Variants in WIPF3 observed in about 807,000 individuals in gnomAD.
WIPF3 encodes the protein WAS/WASL-interacting protein family member 3.
WIPF3 carries 33 observed loss-of-function variants against 38.9 expected under a neutral mutation model. That is an observed-to-expected ratio of 0.85 (90% confidence interval 0.64 to 1.14). The LOEUF (loss-of-function observed/expected upper bound fraction) is 1.14, where lower values mean the gene tolerates loss of function less well. Ranked by LOEUF, WIPF3 falls within the 50% of genes most tolerant of loss-of-function variation. The pLI, the probability that WIPF3 is intolerant of heterozygous loss-of-function variation, is 0.00. For missense variants in WIPF3, 711 were observed against 652.5 expected, an observed-to-expected ratio of 1.09 and a Z score of -0.98; for synonymous variants, 324 against 269.3, an observed-to-expected ratio of 1.20 and a Z score of -1.99.
At chr7:29,817,275 C>T (rs1355375615) in intron 1 of WIPF3, among the ~76,000 whole-genome samples, 1 of 151,982 alleles carries the variant, frequency 6.6e-6, no homozygotes, top group Non-Finnish European at 1.5e-5. Context: ...TGTAATTTCC[C>T]CCAGTTTATA....
chr7:29,824,616 G>A (rs1310408271), intron 1 of WIPF3, among the ~76,000 whole-genome samples: 1 of 152,122 alleles, frequency 6.6e-6, no homozygotes, highest in Admixed American at 6.5e-5. Context: ...GTAAAACGGA[G>A]GAGGCCCAGA....
chr7:29,845,292 G>A (rs1285446242), intron 2 of WIPF3, among the ~76,000 whole-genome samples: 1 of 152,132 alleles, frequency 6.6e-6, no homozygotes, highest in Non-Finnish European at 1.5e-5. Context: ...CTAGCAGTGC[G>A]GGGCACATAG....
intron 1 of WIPF3, among the ~76,000 whole-genome samples, chr7:29,831,106 A>T (rs1389024887): frequency 6.6e-6 from 1 of 152,180 alleles, no homozygotes; most frequent in Non-Finnish European, 1.5e-5. Flanking sequence ...CTCCTCTCTC[A>T]GTCTGTGTAA....
intron 5 of WIPF3, 131 bp from the exon 6 acceptor site, chr7:29,887,937 T>C: frequency 8.8e-7 from 1 of 1,130,220 alleles, no homozygotes; most frequent in Non-Finnish European, 1.2e-6. Flanking sequence ...GCAGGTTGAC[T>C]CCAGAGGTTG....
intron 2 of WIPF3, among the ~76,000 whole-genome samples, chr7:29,854,617 C>A (rs182570136): frequency 6.6e-6 from 1 of 152,218 alleles, no homozygotes; most frequent in East Asian, 1.9e-4. Context: ...TGGGCCAGGT[C>A]GCTTGTTCAC....
intron 2 of WIPF3, among the ~76,000 whole-genome samples, chr7:29,850,364 C>T (rs920810768): frequency 2.0e-5 from 3 of 151,898 alleles, no homozygotes; most frequent in Admixed American, 6.5e-5. Context: ...GAAGGAAAAA[C>T]GGAAGAGAAA....
chr7:29,831,299 A>G (rs1166327743), intron 1 of WIPF3, among the ~76,000 whole-genome samples: 1 of 152,230 alleles, frequency 6.6e-6, no homozygotes, highest in African/African-American at 2.4e-5. Flanking sequence ...GCCGTTGGCC[A>G]TGGGTTGTCT....
At chr7:29,881,975 C>T (rs752781388) in intron 4 of WIPF3, among the ~76,000 whole-genome samples, 4 of 152,200 alleles carry the variant, frequency 2.6e-5, no homozygotes, top group Non-Finnish European at 4.4e-5. Context: ...CTCTGTCGGC[C>T]CAGGCCTGCC....
At chr7:29,903,135 A>G (rs371717137) in intron 7 of WIPF3, among the ~76,000 whole-genome samples, 52 of 152,070 alleles carry the variant, frequency 3.4e-4, no homozygotes, top group Admixed American at 3.9e-4. Context: ...TCTACAAAAA[A>G]TTTTAAAAGT....
intron 1 of WIPF3, among the ~76,000 whole-genome samples, chr7:29,820,787 G>A (rs1022406226): frequency 2.6e-5 from 4 of 151,972 alleles, no homozygotes; most frequent in Admixed American, 2.0e-4. Flanking sequence ...AGAAATAGAC[G>A]TGATTTATTC....
intron 1 of WIPF3, among the ~76,000 whole-genome samples, chr7:29,819,951 GT>G (rs939551906): frequency 2.6e-5 from 4 of 152,018 alleles, no homozygotes; most frequent in African/African-American, 9.7e-5. Context: ...TCTGTGGCTA[GT>G]TTAGGGACAC....
intron 7 of WIPF3, 94 bp downstream of exon 7, chr7:29,889,501 T>C (rs1785962776): frequency 1.1e-6 from 1 of 897,164 alleles, no homozygotes; most frequent in African/African-American, 1.6e-5. Flanking sequence ...GTCTAAAGGA[T>C]GATGTCATGA....
At chr7:29,834,907 C>T in intron 2 of WIPF3, 93 bp downstream of exon 2, 2 of 1,418,476 alleles carry the variant, frequency 1.4e-6, no homozygotes, top group Non-Finnish European at 1.9e-6. Flanking sequence ...AGTAGCACTG[C>T]CTAGCTTCCC....
At chr7:29,808,729 G>T (rs1444485470) in intron 1 of WIPF3, among the ~76,000 whole-genome samples, 1 of 150,814 alleles carries the variant, frequency 6.6e-6, no homozygotes, top group Non-Finnish European at 1.5e-5. Flanking sequence ...GTGTGTCTAA[G>T]AACATACAGT....
At chr7:29,896,244 G>A (rs1244892956) in intron 7 of WIPF3, among the ~76,000 whole-genome samples, 2 of 152,146 alleles carry the variant, frequency 1.3e-5, no homozygotes, top group Non-Finnish European at 2.9e-5. Context: ...AGGAGTTTGA[G>A]ACTGCAGTGA....
At chr7:29,849,884 T>C (rs757215954) in intron 2 of WIPF3, among the ~76,000 whole-genome samples, 5 of 152,242 alleles carry the variant, frequency 3.3e-5, no homozygotes, top group South Asian at 2.1e-4. Flanking sequence ...TGGAGTTTTC[T>C]AGAAAATTAA....
At chr7:29,871,439 T>G (rs1166635469) in intron 2 of WIPF3, among the ~76,000 whole-genome samples, 10 of 152,200 alleles carry the variant, frequency 6.6e-5, no homozygotes, top group Admixed American at 6.5e-4. Flanking sequence ...AGAAGCTACT[T>G]TTAGGAGACC....
At chr7:29,849,017 C>T (rs915290161) in intron 2 of WIPF3, among the ~76,000 whole-genome samples, 2 of 152,088 alleles carry the variant, frequency 1.3e-5, no homozygotes, top group African/African-American at 4.8e-5. Context: ...TTCAGGTGGG[C>T]ATTTGAGATC....
intron 2 of WIPF3, among the ~76,000 whole-genome samples, chr7:29,849,392 CTG>C (rs1785054963): frequency 6.6e-6 from 1 of 152,158 alleles, no homozygotes; most frequent in East Asian, 1.9e-4. Flanking sequence ...TTTTGTGAAA[CTG>C]TTGCATTTAC....
Sources: allele counts gnomAD v4.1 joint callset (sites outside exome capture counted in the v4.1 genomes callset), GRCh38; gene constraint gnomAD v4.1.1; transcripts MANE v1.5; gene names NCBI Gene and HGNC (gene_info 2026-07-23, HGNC 2026-07-21).